The following NCKAP1 variants were observed in gnomAD, a reference collection of about 807,000 sequenced individuals.
NCKAP1 encodes the protein nck-associated protein 1.
Under a neutral mutation model 151.2 loss-of-function variants are expected in NCKAP1, and 21 were observed. The observed-to-expected ratio is 0.14, with a 90% CI of 0.10 to 0.20. The LOEUF (loss-of-function observed/expected upper bound fraction) is 0.20. Ranked by LOEUF, NCKAP1 falls within the 10% of genes least tolerant of loss-of-function variation. The pLI is 1.00. For synonymous variants in NCKAP1, 484 were observed against 451.8 expected (o/e 1.07, Z -0.90); for missense variants, 933 against 1,352.1 (o/e 0.69, Z 4.86).
intron 11 of NCKAP1, 149 bp from the exon 12 acceptor site, chr2:182,983,076 GTAAGTA>G: frequency 1.4e-6 from 1 of 705,832 alleles, no homozygotes; most frequent in Non-Finnish European, 2.4e-6. Flanking sequence ...AAGAGAACCT[GTAAGTA>G]TGTATGAGAG....
rs1439778156 is a variant in NCKAP1, at chr2:183,003,229, A to G, written c.312+4T>C. ...TGTTAAATATTATATATTAAAATAC[A>G]TACCTTAAATTCCATAACATCTACA... On this transcript the variant is annotated splice_donor_region_variant and intron_variant, in intron 3 of 30. Coordinates refer to ENST00000361354, the MANE Select transcript of NCKAP1 (RefSeq NM_013436.5). The G allele has an allele frequency of 4.8e-6, 7 of 1,459,038 alleles. No individual in the cohort carries two copies. Among genetic ancestry groups the G allele is most frequent in the Non-Finnish European group, 6.6e-6 (7 of 1,060,822 alleles). The allele number at this position is 1,459,038 out of a possible 1,614,324, so 90.4% of individuals were successfully genotyped here.
Position 182,926,801 on chromosome 2 carries a change from T to C in NCKAP1, c.3270+15A>G. On this transcript the variant is annotated intron_variant, in intron 30 of 30. Transcript: ENST00000361354. ...GAACTTTTTTATTGTTAGTAAAAAT[T>C]AAAATGAGACTTACCATATCTAGCA... is the stretch of plus-strand genomic sequence containing the variant. 6.6e-7 allele frequency: 1 copy of C among 1,510,964 alleles called. No individual in the cohort carries two copies. Among genetic ancestry groups the C allele is most frequent in the Non-Finnish European group, 9.0e-7 (1 of 1,106,978 alleles). 93.6% of individuals were successfully genotyped at this position (1,510,964 alleles called of 1,614,324 possible).
At chr2:182,961,712 T>C (rs1319844048) in intron 18 of NCKAP1, among the ~76,000 whole-genome samples, 3 of 151,526 alleles carry the variant, frequency 2.0e-5, no homozygotes, top group Non-Finnish European at 4.4e-5. Context: ...ACATGTACCC[T>C]AAAACTTAAA....
Position 182,995,690 on chromosome 2 carries a change from T to G in NCKAP1, c.741+11A>C. The G allele has an allele frequency of 6.2e-7, 1 of 1,602,740 alleles. No individual in the cohort carries two copies. Among genetic ancestry groups the G allele is most frequent in the Non-Finnish European group, 8.5e-7 (1 of 1,174,976 alleles). On this transcript the variant is annotated intron_variant, in intron 7 of 30. Transcript: ENST00000361354. ...TTTATTTTCATTCAAAAGAGAAAAA[T>G]AGAACCATACAGTGTCGGACTGTGC...
At chr2:182,992,196 G>A (rs569080807) in intron 8 of NCKAP1, among the ~76,000 whole-genome samples, 1 of 152,264 alleles carries the variant, frequency 6.6e-6, no homozygotes, top group East Asian at 1.9e-4. Context: ...ACTACCTATT[G>A]AAGAAAAATC....
chr2:183,013,755 T>C (rs1335597638), intron 2 of NCKAP1, among the ~76,000 whole-genome samples: 2 of 152,208 alleles, frequency 1.3e-5, no homozygotes, highest in African/African-American at 2.4e-5. Flanking sequence ...GAAAGCCCTA[T>C]ATGATCTGCC....
chr2:183,035,388 T>C (rs1699083292), intron 1 of NCKAP1, among the ~76,000 whole-genome samples: 1 of 152,184 alleles, frequency 6.6e-6, no homozygotes, highest in Non-Finnish European at 1.5e-5. Context: ...TTTTTCATTG[T>C]ATATGTTCAC....
chr2:182,961,025 CAAT>C lies in NCKAP1; in HGVS notation c.1881+1131_1881+1133del, dbSNP rs758707420. 6.6e-5 allele frequency among the ~76,000 whole-genome samples: 10 copies of C among 152,288 alleles called. No individual in the cohort carries two copies. The East Asian group carries it at 9.6e-4, about 15-fold the overall frequency. The stretch of plus-strand genomic sequence containing the variant: ...TCAGAGAAATGCAAATCAAAAACAA[CAAT>C]GAGATACCATCTTACACCAGTTAGA... On this transcript the variant is annotated intron_variant, in intron 18 of 30. Transcript: ENST00000361354.
intron 2 of NCKAP1, among the ~76,000 whole-genome samples, chr2:183,023,129 T>C (rs780070179): frequency 2.6e-5 from 4 of 152,026 alleles, no homozygotes; most frequent in Non-Finnish European, 4.4e-5. Flanking sequence ...GGCAGAAAGA[T>C]TCTGAGTCAA....
chr2:183,034,108 G>T (rs1242343165), intron 1 of NCKAP1, among the ~76,000 whole-genome samples: 2 of 151,944 alleles, frequency 1.3e-5, no homozygotes, highest in Non-Finnish European at 2.9e-5. Context: ...ATACTGAAAG[G>T]GAAGACTAAA....
intron 18 of NCKAP1, among the ~76,000 whole-genome samples, chr2:182,958,520 T>G (rs915436260): frequency 1.3e-5 from 2 of 152,102 alleles, no homozygotes; most frequent in Non-Finnish European, 2.9e-5. Context: ...GTAACAGAGC[T>G]GCTAGAAATA....
chr2:183,035,300 CT>C (rs1360775237), intron 1 of NCKAP1, among the ~76,000 whole-genome samples: 3 of 151,642 alleles, frequency 2.0e-5, no homozygotes, highest in Non-Finnish European at 1.5e-5. Flanking sequence ...AAAAAACATT[CT>C]TCAGTAATCA....
At position 182,987,111 on chromosome 2, in the gene NCKAP1, G is replaced by A. The variant is rs370719505; in HGVS notation, c.948-884C>T. Among the ~76,000 whole-genome samples, 202 of 152,060 alleles carry A rather than the reference G, an allele frequency of 1.3e-3. 2 individuals are homozygous for A. Among genetic ancestry groups the A allele is most frequent in the African/African-American group, 4.6e-3 (192 of 41,494 alleles). On this transcript the variant is annotated intron_variant, in intron 9 of 30. Transcript: ENST00000361354. ...ACAAAAATTAGTCGGGCATGGTGGC[G>A]GGCACCTGTAATCCTAACTACTTGG...
At chr2:182,927,309 C>A in intron 29 of NCKAP1, 1 of 153,226 alleles carries the variant, frequency 6.5e-6, no homozygotes, top group Non-Finnish European at 1.5e-5. Flanking sequence ...ACATTAAACC[C>A]TGAGTGAAGG....
chr2:182,962,376 C>A, intron 17 of NCKAP1, 98 bp from the exon 18 acceptor site: 1 of 1,201,732 alleles, frequency 8.3e-7, no homozygotes, highest in East Asian at 2.6e-5. Context: ...GCTAAAGGTA[C>A]ATTCCGCAAT....
At chr2:182,940,348 C>G (rs922696814) in intron 24 of NCKAP1, among the ~76,000 whole-genome samples, 35 of 152,084 alleles carry the variant, frequency 2.3e-4, no homozygotes, top group Admixed American at 1.8e-3. Flanking sequence ...CTTATTCATA[C>G]TCCTCCCTAT....
At chr2:182,925,974 T>C (rs1410160586) in intron 30 of NCKAP1, among the ~76,000 whole-genome samples, 156 bp from the exon 31 acceptor site, 1 of 152,098 alleles carries the variant, frequency 6.6e-6, no homozygotes, top group African/African-American at 2.4e-5. Context: ...ATTTTCCTTT[T>C]ACTTAATCTA....
chr2:182,969,036 A>C (rs1298930519), intron 15 of NCKAP1, among the ~76,000 whole-genome samples: 1 of 152,232 alleles, frequency 6.6e-6, no homozygotes, highest in Non-Finnish European at 1.5e-5. Context: ...ACTAAGCCTA[A>C]GGAGTTTTAC....
chr2:183,003,418 G>T, intron 2 of NCKAP1, 93 bp from the exon 3 acceptor site: 1 of 759,412 alleles, frequency 1.3e-6, no homozygotes, highest in Non-Finnish European at 2.2e-6. Context: ...CTATATGGAA[G>T]CACAAGCTTT....
Sources: allele counts gnomAD v4.1 joint callset (sites outside exome capture counted in the v4.1 genomes callset), GRCh38; gene constraint gnomAD v4.1.1; transcripts MANE v1.5; gene names NCBI Gene and HGNC (gene_info 2026-07-23, HGNC 2026-07-21).